DPF3: variants seen among roughly 807,000 people sequenced by gnomAD.
The protein encoded by DPF3 is double PHD fingers 3, also known as zinc finger protein DPF3.
Under a neutral mutation model 56.8 loss-of-function variants are expected in DPF3, and 18 were observed. That is an observed-to-expected ratio of 0.32 (90% CI 0.22 to 0.47). DPF3 has a LOEUF of 0.47. Ranked by LOEUF, DPF3 falls within the 20% of genes least tolerant of loss-of-function variation. DPF3 has a pLI of 1.00. For synonymous variants in DPF3, 188 were observed against 180.2 expected (o/e 1.04, Z -0.35); for missense variants, 403 against 488.8 (o/e 0.82, Z 1.65).
intron 1 of DPF3, among the ~76,000 whole-genome samples, chr14:72,873,492 A>G (rs1487893807): frequency 6.6e-6 from 1 of 152,272 alleles, no homozygotes; most frequent in Non-Finnish European, 1.5e-5. Context: ...AAACTAGTTC[A>G]ACCATTGTGG....
intron 1 of DPF3, among the ~76,000 whole-genome samples, chr14:72,786,654 C>A (rs1349520245): frequency 1.3e-5 from 2 of 152,164 alleles, no homozygotes; most frequent in Non-Finnish European, 2.9e-5. Context: ...AAGCCTCCAC[C>A]CTCAGAATAC....
At chr14:72,663,630 G>C (rs567263156) in intron 8 of DPF3, among the ~76,000 whole-genome samples, 1 of 152,322 alleles carries the variant, frequency 6.6e-6, no homozygotes, top group South Asian at 2.1e-4. Flanking sequence ...TTGACACAAA[G>C]GAGTGAGCAA....
chr14:72,732,897 CTTCTTTCTTTCTCT>C (rs1889727255), intron 3 of DPF3, among the ~76,000 whole-genome samples: 1 of 149,814 alleles, frequency 6.7e-6, no homozygotes, highest in Non-Finnish European at 1.5e-5. Context: ...TTCTCTCTCC[CTTCTTTCTTTCTCT>C]TTCTTTCTTT....
At chr14:72,697,161 C>T (rs75925917) in intron 6 of DPF3, among the ~76,000 whole-genome samples, 1,733 of 152,286 alleles carry the variant, frequency 0.011, 40 homozygotes, top group East Asian at 0.066. Context: ...CATTTTTAAC[C>T]GGGTATTTGT....
At chr14:72,846,328 CTTTTTT>C (rs10563066) in intron 1 of DPF3, among the ~76,000 whole-genome samples, 5 of 62,442 alleles carry the variant, frequency 8.0e-5, no homozygotes, top group African/African-American at 2.9e-4. Context: ...CCAGGCTAGT[CTTTTTT>C]TTTTTTTTTT....
At chr14:72,893,387 G>A (rs534668263) in intron 1 of DPF3, among the ~76,000 whole-genome samples, 4 of 152,246 alleles carry the variant, frequency 2.6e-5, no homozygotes, top group Non-Finnish European at 5.9e-5. Flanking sequence ...TCGATCGCCC[G>A]GAGCGCCTCC....
rs541164460 is a variant in DPF3, at chr14:72,620,199, C to G, written c.985-215G>C. ...ACCTCCCAGCCTATATAAATCCTACCCCCATTTTAGGGTTCTGCTCAACTC... is the reference window on the plus strand; with the variant it reads ...ACCTCCCAGCCTATATAAATCCTACGCCCATTTTAGGGTTCTGCTCAACTC... On this transcript the variant is annotated intron_variant, in intron 9 of 10. Coordinates refer to ENST00000556509, the MANE Select transcript of DPF3 (RefSeq NM_001280542.3). 9.7e-4 allele frequency among the ~76,000 whole-genome samples: 148 copies of G among 152,246 alleles called. 1 individual carries two copies. Among genetic ancestry groups the G allele is most frequent in the African/African-American group, 3.4e-3 (142 of 41,542 alleles).
At chr14:72,839,329 A>G (rs1484058523) in intron 1 of DPF3, among the ~76,000 whole-genome samples, 1 of 152,166 alleles carries the variant, frequency 6.6e-6, no homozygotes, top group Non-Finnish European at 1.5e-5. Flanking sequence ...TTGCAAACCT[A>G]TGAATTTTTA....
chr14:72,651,580 G>A (rs575493912), intron 8 of DPF3, among the ~76,000 whole-genome samples: 4 of 152,196 alleles, frequency 2.6e-5, no homozygotes, highest in African/African-American at 9.7e-5. Flanking sequence ...CACCAAAATG[G>A]CATCTGGGAA....
chr14:72,738,432 C>A (rs778553753), intron 3 of DPF3, among the ~76,000 whole-genome samples: 11 of 152,050 alleles, frequency 7.2e-5, no homozygotes, highest in Non-Finnish European at 1.2e-4. Flanking sequence ...AGTAGACACG[C>A]CAGGATGGGT....
chr14:72,665,018 CT>C lies in DPF3; in HGVS notation c.871+9221del, dbSNP rs571835381. ...GGTTAGGTTGTGATTCCCAGCTTTG[CT>C]TTTTGTTCGAATATTATCTCCATTG... On this transcript the variant is annotated intron_variant, in intron 8 of 10. Coordinates refer to ENST00000556509, the MANE Select transcript of DPF3 (RefSeq NM_001280542.3). Among the ~76,000 whole-genome samples the C allele has an allele frequency of 5.9e-5, 9 of 152,282 alleles. No homozygotes were observed. In the East Asian group the frequency reaches 1.5e-3, roughly 26 times the overall value.
rs1191723372 is a variant in DPF3, at chr14:72,720,523, T to A, written c.525+3110A>T. 3.3e-5 allele frequency among the ~76,000 whole-genome samples: 5 copies of A among 152,182 alleles called. No individual in the cohort carries two copies. The East Asian group carries it at 9.6e-4, about 29-fold the overall frequency. Reference sequence around the variant, plus strand: ...CCATTCAGCTGCTGCTTGGCCAGTATCTGGTGGGCCCAGAGCCAGTCTAGG... The same window carrying A: ...CCATTCAGCTGCTGCTTGGCCAGTAACTGGTGGGCCCAGAGCCAGTCTAGG... On this transcript the variant is annotated intron_variant, in intron 5 of 10. Transcript: ENST00000556509.
intron 1 of DPF3, among the ~76,000 whole-genome samples, chr14:72,863,058 T>A (rs1269070232): frequency 7.1e-6 from 1 of 139,876 alleles, no homozygotes; most frequent in Non-Finnish European, 1.5e-5. Context: ...ATTATTCCAT[T>A]TATATATATA....
At chr14:72,767,760 C>CAAAAA (rs372452441) in intron 2 of DPF3, among the ~76,000 whole-genome samples, 3 of 72,508 alleles carry the variant, frequency 4.1e-5, no homozygotes, top group Non-Finnish European at 2.6e-5. Flanking sequence ...CCAAATTTGG[C>CAAAAA]AAAAAAAAAA....
At chr14:72,823,384 T>C (rs530655282) in intron 1 of DPF3, among the ~76,000 whole-genome samples, 77 of 152,324 alleles carry the variant, frequency 5.1e-4, no homozygotes, top group African/African-American at 1.8e-3. Context: ...GAAGGAGACC[T>C]TCACTGCAGC....
chr14:72,668,962 G>A (rs1886550479), intron 8 of DPF3, among the ~76,000 whole-genome samples: 1 of 152,196 alleles, frequency 6.6e-6, no homozygotes, highest in Non-Finnish European at 1.5e-5. Context: ...TGAGCATGCA[G>A]AATATGACAA....
intron 1 of DPF3, among the ~76,000 whole-genome samples, chr14:72,792,363 G>A (rs1038343369): frequency 2.6e-5 from 4 of 151,944 alleles, no homozygotes; most frequent in Admixed American, 6.5e-5. Context: ...TGAGAACACC[G>A]CTCAAGATCC....
chr14:72,727,413 T>C (rs891015969), intron 4 of DPF3, among the ~76,000 whole-genome samples: 3 of 152,110 alleles, frequency 2.0e-5, no homozygotes, highest in Non-Finnish European at 4.4e-5. Flanking sequence ...CCGTTTCTAC[T>C]AAAAACACAA....
chr14:72,637,966 A>G (rs910819826), intron 8 of DPF3, among the ~76,000 whole-genome samples: 2 of 152,202 alleles, frequency 1.3e-5, no homozygotes, highest in Non-Finnish European at 2.9e-5. Flanking sequence ...AGGACTTTTC[A>G]TCAACCATAC....
Sources: gnomAD v4.1 joint callset for allele counts (sites outside exome capture counted in the v4.1 genomes callset) on GRCh38, gnomAD v4.1.1 for gene constraint, MANE v1.5 for transcripts, NCBI Gene and HGNC (gene_info 2026-07-23, HGNC 2026-07-21) for gene names.